Variants in APBB2 observed in about 807,000 individuals in gnomAD.
APBB2 encodes the protein amyloid beta precursor protein binding family B member 2, also known as Fe65-like 1.
Under a neutral mutation model 82.5 loss-of-function variants are expected in APBB2, and 38 were observed. That is an observed-to-expected ratio of 0.46 (90% CI 0.36 to 0.60). The LOEUF (loss-of-function observed/expected upper bound fraction) is 0.60, where lower values mean the gene tolerates loss of function less well. Among genes scored for constraint, APBB2 ranks in the 20% least tolerant of loss-of-function variants. APBB2 has a pLI of 0.00. For missense variants in APBB2, 772 were observed against 972.3 expected (o/e 0.79, Z 2.74); for synonymous variants, 341 against 368.2 (o/e 0.93, Z 0.85).
chr4:41,041,498 C>A (rs770535284), intron 4 of APBB2, among the ~76,000 whole-genome samples: 1 of 152,134 alleles, frequency 6.6e-6, no homozygotes, highest in South Asian at 2.1e-4. Flanking sequence ...GAACATTAAC[C>A]GTTACTGGTA....
rs886456443 is a variant in APBB2, at chr4:41,135,184, A to C, written c.-261+7803T>G. 4.1e-4 allele frequency among the ~76,000 whole-genome samples: 63 copies of C among 152,074 alleles called. 1 individual carries two copies. In the East Asian group the frequency reaches 0.01, roughly 24 times the overall value. On this transcript the variant is annotated intron_variant, in intron 2 of 17. Coordinates refer to ENST00000508593, the MANE Select transcript of APBB2 (RefSeq NM_004307.2). ...CTTGAGCCCTCAAAAAAAAAAAAAA[A>C]AAAAAAATCACCCTTACAAACCCAA...
chr4:41,027,037 C>T (rs991381734), intron 5 of APBB2, among the ~76,000 whole-genome samples: 2 of 152,188 alleles, frequency 1.3e-5, no homozygotes, highest in African/African-American at 4.8e-5. Context: ...CTTGCTCCTA[C>T]CTAGATCCTG....
intron 1 of APBB2, among the ~76,000 whole-genome samples, chr4:41,174,120 G>A (rs1353828697): frequency 6.6e-6 from 1 of 152,130 alleles, no homozygotes; most frequent in Non-Finnish European, 1.5e-5. Context: ...CTTTTTCAGG[G>A]TGTGTTAAAC....
chr4:41,209,100 A>C (rs1301261083), intron 1 of APBB2, among the ~76,000 whole-genome samples: 1 of 151,944 alleles, frequency 6.6e-6, no homozygotes, highest in African/African-American at 2.4e-5. Context: ...GCTCTCATCT[A>C]ATGTCTGGAG....
intron 1 of APBB2, among the ~76,000 whole-genome samples, chr4:41,210,923 T>G (rs1779158478): frequency 6.6e-6 from 1 of 152,174 alleles, no homozygotes; most frequent in African/African-American, 2.4e-5. Context: ...CATAAGATGA[T>G]ATATACAAAA....
chr4:40,919,646 C>A (rs1780748104), intron 10 of APBB2, among the ~76,000 whole-genome samples: 1 of 152,204 alleles, frequency 6.6e-6, no homozygotes. Flanking sequence ...TCTGTCCACA[C>A]AGCCGCCCAA....
intron 1 of APBB2, among the ~76,000 whole-genome samples, chr4:41,168,137 C>A (rs1435125546): frequency 1.3e-5 from 2 of 148,882 alleles, no homozygotes; most frequent in Admixed American, 1.3e-4. Context: ...GGCGTGGTGG[C>A]AGGTGCCTGT....
intron 1 of APBB2, among the ~76,000 whole-genome samples, chr4:41,164,665 T>C (rs979718937): frequency 6.6e-6 from 1 of 152,222 alleles, no homozygotes; most frequent in Non-Finnish European, 1.5e-5. Context: ...GTAATATCAC[T>C]TCTCGTTAAA....
At chr4:41,132,640 T>C (rs781394554) in intron 2 of APBB2, among the ~76,000 whole-genome samples, 1 of 152,236 alleles carries the variant, frequency 6.6e-6, no homozygotes, top group South Asian at 2.1e-4. Flanking sequence ...ATTGAATTCA[T>C]TGTCCTTCAA....
intron 12 of APBB2, among the ~76,000 whole-genome samples, chr4:40,840,869 G>A (rs973123907): frequency 6.6e-6 from 1 of 152,102 alleles, no homozygotes; most frequent in Non-Finnish European, 1.5e-5. Context: ...CATAAACAAG[G>A]AGGATAGGAA....
intron 10 of APBB2, among the ~76,000 whole-genome samples, chr4:40,905,575 T>C (rs544078572): frequency 6.6e-6 from 1 of 152,310 alleles, no homozygotes; most frequent in African/African-American, 2.4e-5. Context: ...CTGCGAAGTC[T>C]ATTCCTAACC....
At chr4:40,995,182 T>G (rs1803304954) in intron 6 of APBB2, among the ~76,000 whole-genome samples, 1 of 152,168 alleles carries the variant, frequency 6.6e-6, no homozygotes, top group Non-Finnish European at 1.5e-5. Flanking sequence ...TCCTATGCAG[T>G]TGAGTAATTA....
Position 40,881,426 on chromosome 4 carries a change from A to C in APBB2, c.1529+8938T>G, listed in dbSNP as rs1375569607. The C allele has an allele frequency of 7.2e-6, 7 of 972,894 alleles. No homozygotes were observed. In the East Asian group the frequency reaches 6.9e-4, roughly 95 times the overall value. The allele number at this position is 972,894 out of a possible 1,614,324, so 60.3% of individuals were successfully genotyped here. On this transcript the variant is annotated intron_variant, in intron 12 of 17. Coordinates refer to ENST00000508593, the MANE Select transcript of APBB2 (RefSeq NM_004307.2). ...CCCACCTAATCACTCCTAGGGAAAA[A>C]AAACAATGACCAAGAAGAAACAGAG...
intron 3 of APBB2, among the ~76,000 whole-genome samples, chr4:41,091,683 T>C (rs565930763): frequency 6.6e-6 from 1 of 152,314 alleles, no homozygotes; most frequent in Admixed American, 6.5e-5. Flanking sequence ...AATGAATGAA[T>C]GAGGGGCTCA....
chr4:41,119,741 C>T (rs1161145629), intron 2 of APBB2, among the ~76,000 whole-genome samples: 1 of 151,628 alleles, frequency 6.6e-6, no homozygotes, highest in African/African-American at 2.4e-5. Flanking sequence ...AGAGACTCCA[C>T]ACTGCATTTG....
chr4:41,069,788 C>T (rs575674537), intron 3 of APBB2, among the ~76,000 whole-genome samples: 1 of 152,322 alleles, frequency 6.6e-6, no homozygotes. Flanking sequence ...TCTTTTCCTA[C>T]CCTAACTGAC....
chr4:41,090,430 C>T lies in APBB2; in HGVS notation c.-149+10209G>A, dbSNP rs145415224. Among the ~76,000 whole-genome samples, 388 of 152,230 alleles carry T rather than the reference C, an allele frequency of 2.5e-3. 1 individual carries two copies. The highest frequency in any genetic ancestry group is 8.6e-3 in the African/African-American group (358 of 41,546). ...CCAACAACTGGTTGTAATAAAAGTT[C>T]GTTTTGTTGAAATCAATTAATTTCT... is the stretch of plus-strand genomic sequence containing the variant. On this transcript the variant is annotated intron_variant, in intron 3 of 17. Coordinates refer to ENST00000508593, the MANE Select transcript of APBB2 (RefSeq NM_004307.2).
chr4:41,114,833 A>C (rs1344265808), intron 2 of APBB2, among the ~76,000 whole-genome samples: 1 of 152,240 alleles, frequency 6.6e-6, no homozygotes, highest in Non-Finnish European at 1.5e-5. Flanking sequence ...GGACACAAAC[A>C]AATGGAAAAA....
chr4:40,925,114 CG>C (rs936249987), intron 10 of APBB2, among the ~76,000 whole-genome samples: 1 of 152,156 alleles, frequency 6.6e-6, no homozygotes, highest in African/African-American at 2.4e-5. Context: ...AATATGCCCC[CG>C]GAACAACCCC....
Sources: allele counts gnomAD v4.1 joint callset (sites outside exome capture counted in the v4.1 genomes callset), GRCh38; gene constraint gnomAD v4.1.1; transcripts MANE v1.5; gene names NCBI Gene and HGNC (gene_info 2026-07-23, HGNC 2026-07-21).